Variants in CDH19 observed in about 807,000 individuals in gnomAD.
CDH19 encodes the protein cadherin 19.
Under a neutral mutation model 64.2 loss-of-function variants are expected in CDH19, and 67 were observed. The observed-to-expected ratio is 1.04, with a 90% CI of 0.86 to 1.28. The LOEUF is 1.28. Ranked by LOEUF, CDH19 falls within the 50% of genes most tolerant of loss-of-function variation. The probability of loss-of-function intolerance (pLI) is 0.00; values close to 1 mark genes in which losing one functional copy is unlikely to be tolerated. For missense variants in CDH19, 1,030 were observed against 929.0 expected, an observed-to-expected ratio of 1.11 and a Z score of -1.41; for synonymous variants, 346 against 319.3, an observed-to-expected ratio of 1.08 and a Z score of -0.89.
intron 9 of CDH19, among the ~76,000 whole-genome samples, chr18:66,525,182 C>T (rs1348082379): frequency 6.6e-6 from 1 of 152,096 alleles, no homozygotes; most frequent in Non-Finnish European, 1.5e-5. Flanking sequence ...TCCTTATCAG[C>T]ACCACTTAAT....
At chr18:66,551,649 C>T (rs914726567) in intron 4 of CDH19, among the ~76,000 whole-genome samples, 1 of 151,820 alleles carries the variant, frequency 6.6e-6, no homozygotes, top group African/African-American at 2.4e-5. Context: ...AATTATAATA[C>T]CAAATTTATG....
intron 1 of CDH19, among the ~76,000 whole-genome samples, chr18:66,590,428 G>C (rs1988708840): frequency 6.6e-6 from 1 of 151,692 alleles, no homozygotes; most frequent in African/African-American, 2.4e-5. Flanking sequence ...AAAGCAATTG[G>C]TGGGATTGGA....
intron 9 of CDH19, among the ~76,000 whole-genome samples, chr18:66,523,765 A>T (rs997331341): frequency 6.6e-6 from 1 of 152,000 alleles, no homozygotes; most frequent in Non-Finnish European, 1.5e-5. Context: ...AGAGCTGACC[A>T]TGCAGTATGA....
chr18:66,560,176 A>G (rs1987669605), intron 3 of CDH19, among the ~76,000 whole-genome samples: 1 of 152,126 alleles, frequency 6.6e-6, no homozygotes, highest in Admixed American at 6.6e-5. Context: ...ATAACGAGCA[A>G]ACGCCTAGGA....
chr18:66,579,861 T>A (rs762812705), intron 1 of CDH19, among the ~76,000 whole-genome samples: 1 of 151,990 alleles, frequency 6.6e-6, no homozygotes, highest in Non-Finnish European at 1.5e-5. Context: ...TCTTGTTATA[T>A]AAAAACACGC....
intron 8 of CDH19, among the ~76,000 whole-genome samples, chr18:66,533,618 C>T (rs1489761904): frequency 2.3e-5 from 2 of 88,810 alleles, no homozygotes; most frequent in African/African-American, 6.6e-5. Flanking sequence ...CACAGCTTCA[C>T]CTTAAAATAG....
At chr18:66,558,162 C>CATATAT (rs34063647) in intron 3 of CDH19, among the ~76,000 whole-genome samples, 6 of 145,660 alleles carry the variant, frequency 4.1e-5, no homozygotes, top group African/African-American at 1.2e-4. Context: ...ATCTTTATCT[C>CATATAT]ATATATATAT....
In CDH19 at chr18:66,535,024, C is replaced by T; in HGVS notation, c.1298G>A (p.Ser433Asn). The T allele has an allele frequency of 6.6e-7, 1 of 1,519,286 alleles. No individual in the cohort carries two copies. Among genetic ancestry groups the T allele is most frequent in the Non-Finnish European group, 8.9e-7 (1 of 1,118,476 alleles). 94.1% of individuals were successfully genotyped at this position (1,519,286 alleles called of 1,614,324 possible). ...TTSNSLDREI[S>N]AWYNLSITAT... is the part of the protein sequence containing the mutation. ...TGTAATACTTAGGTTGTACCAAGCA[C>T]TGATTTCACGATCCAGTGAGTTACT... Residue 433 changes from serine (S) to asparagine (N), a missense_variant, in exon 8 of 12, where the codon AGT (serine) becomes AAT (asparagine). Transcript: ENST00000262150.
chr18:66,572,687 C>A (rs564674628), intron 1 of CDH19, among the ~76,000 whole-genome samples: 1 of 151,716 alleles, frequency 6.6e-6, no homozygotes, highest in South Asian at 2.1e-4. Context: ...AAGCAACAGT[C>A]AATCCAGGAG....
rs1985139792 is a variant in CDH19, at chr18:66,505,301, C to A, written c.1830G>T (p.Gly610=). The change falls in exon 12 of 12, where the codon GGG becomes GGT. Residue 610 remains glycine (G), a splice_region_variant and synonymous_variant. Transcript: ENST00000262150. ...TTAAACCCAAAGTCAAAAAAATAAA[C>A]CCTGATGAAGAAAGCACATCAGAAT... is the stretch of plus-strand genomic sequence containing the variant. ...AILICIMIIF[G]FIFLTLGLKQ... The A allele has an allele frequency of 3.2e-6, 5 of 1,545,824 alleles. No homozygotes were observed. Among genetic ancestry groups the A allele is most frequent in the Admixed American group, 4.3e-5 (2 of 46,922 alleles).
At chr18:66,578,792 T>C (rs1988339561) in intron 1 of CDH19, among the ~76,000 whole-genome samples, 1 of 151,966 alleles carries the variant, frequency 6.6e-6, no homozygotes, top group South Asian at 2.1e-4. Flanking sequence ...GTGTAATATG[T>C]CTATGCAATG....
intron 2 of CDH19, among the ~76,000 whole-genome samples, chr18:66,570,428 T>C (rs1988064691): frequency 6.6e-6 from 1 of 151,690 alleles, no homozygotes; most frequent in South Asian, 2.1e-4. Flanking sequence ...TTTCTATATT[T>C]TTATTCAAAA....
At chr18:66,592,153 CTA>C (rs756119721) in intron 1 of CDH19, among the ~76,000 whole-genome samples, 2 of 151,884 alleles carry the variant, frequency 1.3e-5, no homozygotes, top group Non-Finnish European at 2.9e-5. Flanking sequence ...ATGATTAATT[CTA>C]TGTCTTAAAT....
intron 4 of CDH19, among the ~76,000 whole-genome samples, chr18:66,553,987 G>GGATT (rs1987425527): frequency 1.1e-5 from 1 of 88,776 alleles, no homozygotes. Context: ...ATTCTGCAGG[G>GGATT]TTATGCAGCT....
chr18:66,526,949 G>A (rs1233235983), intron 9 of CDH19, among the ~76,000 whole-genome samples: 1 of 151,444 alleles, frequency 6.6e-6, no homozygotes, highest in African/African-American at 2.4e-5. Flanking sequence ...TACATGTCCA[G>A]TAATATTTGA....
intron 1 of CDH19, among the ~76,000 whole-genome samples, chr18:66,597,776 G>T (rs921130874): frequency 4.6e-5 from 7 of 152,028 alleles, no homozygotes; most frequent in African/African-American, 1.7e-4. Flanking sequence ...TTAAACATGG[G>T]CAAAAGATAT....
intron 1 of CDH19, among the ~76,000 whole-genome samples, chr18:66,591,105 T>A (rs939321061): frequency 2.0e-5 from 3 of 151,956 alleles, no homozygotes; most frequent in Non-Finnish European, 4.4e-5. Context: ...TCAAGATTCT[T>A]AAACAATCTC....
At chr18:66,565,780 A>G (rs1987886460) in intron 3 of CDH19, among the ~76,000 whole-genome samples, 1 of 151,990 alleles carries the variant, frequency 6.6e-6, no homozygotes, top group South Asian at 2.1e-4. Flanking sequence ...TTTCCATATT[A>G]TATAACACTT....
rs768595800 is a variant in CDH19, at chr18:66,504,291, C to CTTTTTTTT, written c.*513_*520dup. Reference sequence around the variant, plus strand: ...TTTTCTACGAAGATTACCTAGCATTCTTTTTTTTTTTTTTTTTTTTTAAAT... The same window carrying CTTTTTTTT: ...TTTTCTACGAAGATTACCTAGCATTCTTTTTTTTTTTTTTTTTTTTTTTTTTTTTAAAT... On this transcript the variant is annotated 3_prime_UTR_variant, in exon 12 of 12. Transcript: ENST00000262150. 2 of 112,930 alleles carry CTTTTTTTT rather than the reference C, an allele frequency of 1.8e-5. No homozygotes were observed. The highest frequency in any genetic ancestry group is 3.5e-5 in the Non-Finnish European group (2 of 56,896). The allele number at this position is 112,930 out of a possible 1,614,324, so 7.0% of individuals were successfully genotyped here.
Sources: allele counts gnomAD v4.1 joint callset (sites outside exome capture counted in the v4.1 genomes callset), GRCh38; gene constraint gnomAD v4.1.1; transcripts MANE v1.5; gene names NCBI Gene and HGNC (gene_info 2026-07-23, HGNC 2026-07-21).